TESK2: variants seen among roughly 807,000 people sequenced by gnomAD.
TESK2 encodes the protein testis associated actin remodelling kinase 2, also known as dual specificity testis-specific protein kinase 2.
In TESK2, 39 loss-of-function variants were observed where a neutral mutation model predicts 57.1. The observed-to-expected ratio is 0.68, with a 90% confidence interval of 0.53 to 0.89. TESK2 has a LOEUF of 0.89. TESK2 is among the 40% of genes least tolerant of loss of function. TESK2 has a pLI of 0.00. For missense variants in TESK2, 646 were observed against 732.1 expected, an observed-to-expected ratio of 0.88 and a Z score of 1.36; for synonymous variants, 249 against 267.9, an observed-to-expected ratio of 0.93 and a Z score of 0.69.
At chr1:45,396,811 T>G (rs1570687400) in intron 3 of TESK2, among the ~76,000 whole-genome samples, 2 of 133,696 alleles carry the variant, frequency 1.5e-5, no homozygotes, top group African/African-American at 2.9e-5. Flanking sequence ...AGTTGTTTTT[T>G]TTTTTTTTTT....
chr1:45,402,081 T>TAA lies in TESK2; in HGVS notation c.345-16123_345-16122dup, dbSNP rs1425331482. Among the ~76,000 whole-genome samples, 303 of 142,616 alleles carry TAA rather than the reference T, an allele frequency of 2.1e-3. 2 individuals carry two copies. Among genetic ancestry groups the TAA allele is most frequent in the African/African-American group, 7.4e-3 (291 of 39,152 alleles). The allele number at this position is 142,616 out of a possible 152,430, so 93.6% of individuals were successfully genotyped here. A position where few individuals can be genotyped will look rare whatever the true frequency, so the allele number is the denominator to read the frequency against. On this transcript the variant is annotated intron_variant, in intron 3 of 10. Coordinates refer to ENST00000372086, the MANE Select transcript of TESK2 (RefSeq NM_007170.3). ...ACACTGAAACCCTGCTAATAACCAT[T>TAA]AAAAAAAAAGAAAAGAAAAGAAAAG...
chr1:45,410,776 T>A (rs1650012081), intron 3 of TESK2, among the ~76,000 whole-genome samples: 1 of 151,828 alleles, frequency 6.6e-6, no homozygotes, highest in African/African-American at 2.4e-5. Context: ...TTTTTTATTT[T>A]TTTTTTAACA....
intron 2 of TESK2, among the ~76,000 whole-genome samples, chr1:45,443,247 C>G (rs1651514337): frequency 6.6e-6 from 1 of 151,924 alleles, no homozygotes; most frequent in South Asian, 2.1e-4. Flanking sequence ...TCCTAAATTC[C>G]AAAACTAAAT....
At chr1:45,390,258 T>A (rs1445677343) in intron 3 of TESK2, among the ~76,000 whole-genome samples, 2 of 152,032 alleles carry the variant, frequency 1.3e-5, no homozygotes, top group African/African-American at 4.8e-5. Context: ...CGGTGAAATA[T>A]GATCTTTACA....
At chr1:45,448,778 C>G (rs756157444) in intron 2 of TESK2, among the ~76,000 whole-genome samples, 33 of 152,114 alleles carry the variant, frequency 2.2e-4, no homozygotes, top group Non-Finnish European at 1.9e-4. Context: ...GAACAAACAT[C>G]CAAACTATAT....
intron 2 of TESK2, among the ~76,000 whole-genome samples, chr1:45,430,768 G>A (rs548222075): frequency 6.6e-6 from 1 of 152,282 alleles, no homozygotes; most frequent in South Asian, 2.1e-4. Context: ...TTCTATAAAA[G>A]TCTTGAGCCA....
At chr1:45,445,781 C>T (rs1347963749) in intron 2 of TESK2, among the ~76,000 whole-genome samples, 1 of 151,922 alleles carries the variant, frequency 6.6e-6, no homozygotes, top group Non-Finnish European at 1.5e-5. Context: ...GGTGACAGAG[C>T]AAGACCCTGT....
At chr1:45,361,918 G>A (rs1477034249) in intron 4 of TESK2, among the ~76,000 whole-genome samples, 8 of 152,108 alleles carry the variant, frequency 5.3e-5, no homozygotes, top group East Asian at 1.9e-4. Flanking sequence ...TGGGAGGATC[G>A]CTTGAGGCCA....
chr1:45,414,501 C>T (rs1299621602), intron 3 of TESK2, among the ~76,000 whole-genome samples: 1 of 152,042 alleles, frequency 6.6e-6, no homozygotes, highest in South Asian at 2.1e-4. Flanking sequence ...GAGCAAAGAA[C>T]ATTACTTTTT....
intron 4 of TESK2, among the ~76,000 whole-genome samples, chr1:45,384,377 A>ATCTG (rs1484512971): frequency 0.033 from 4,594 of 138,756 alleles, 73 homozygotes; most frequent in South Asian, 0.043. Context: ...CTATCTATCT[A>ATCTG]TCTATCTATC....
chr1:45,382,502 G>A (rs1314283436), intron 4 of TESK2, among the ~76,000 whole-genome samples: 1 of 152,208 alleles, frequency 6.6e-6, no homozygotes, highest in Non-Finnish European at 1.5e-5. Flanking sequence ...GCCTCTGGAA[G>A]TGTTGGGATT....
chr1:45,451,683 C>T (rs1161273282), intron 2 of TESK2, among the ~76,000 whole-genome samples: 1 of 152,104 alleles, frequency 6.6e-6, no homozygotes, highest in African/African-American at 2.4e-5. Flanking sequence ...ACTGGCTCGA[C>T]ATTTGTGGAG....
At chr1:45,415,379 C>A in intron 3 of TESK2, 1 of 902,986 alleles carries the variant, frequency 1.1e-6, no homozygotes, top group Non-Finnish European at 1.8e-6. Flanking sequence ...AACCACCAGA[C>A]CATTCCTTCT....
intron 3 of TESK2, among the ~76,000 whole-genome samples, chr1:45,408,410 A>G (rs1273974403): frequency 6.6e-6 from 1 of 151,968 alleles, no homozygotes; most frequent in African/African-American, 2.4e-5. Context: ...TCATAATGAT[A>G]TGCTCTGGGT....
Position 45,457,527 on chromosome 1 carries a change from A to T in TESK2, c.222+37T>A, listed in dbSNP as rs781616809. ...ATCAACCTGCAGTAAATGTGACCAC[A>T]GCAAGACAATATGAGAAAAGCTGAA... On this transcript the variant is annotated intron_variant, in intron 2 of 10. Transcript: ENST00000372086. The T allele has an allele frequency of 5.0e-6, 8 of 1,590,168 alleles. No homozygotes were observed. In the East Asian group the frequency reaches 1.3e-4, roughly 27 times the overall value.
At chr1:45,371,046 A>T (rs1648156378) in intron 4 of TESK2, among the ~76,000 whole-genome samples, 1 of 152,100 alleles carries the variant, frequency 6.6e-6, no homozygotes, top group South Asian at 2.1e-4. Context: ...CCACAATGAG[A>T]TATCACCTCA....
At chr1:45,424,064 A>C (rs1448482838) in intron 2 of TESK2, among the ~76,000 whole-genome samples, 1 of 152,220 alleles carries the variant, frequency 6.6e-6, no homozygotes, top group Non-Finnish European at 1.5e-5. Context: ...TATCTTGCAC[A>C]ACAGGGACTT....
At chr1:45,472,864 G>A (rs930395140) in intron 1 of TESK2, among the ~76,000 whole-genome samples, 2 of 151,250 alleles carry the variant, frequency 1.3e-5, no homozygotes, top group Non-Finnish European at 3.0e-5. Flanking sequence ...CATGCCGGGC[G>A]CGGTGGCTTA....
At chr1:45,464,561 TGC>T (rs2149302204) in intron 1 of TESK2, among the ~76,000 whole-genome samples, 1 of 152,364 alleles carries the variant, frequency 6.6e-6, no homozygotes, top group East Asian at 1.9e-4. Context: ...TCAGATTGTT[TGC>T]TGTTGGCACA....
Sources: allele counts gnomAD v4.1 joint callset (sites outside exome capture counted in the v4.1 genomes callset), GRCh38; gene constraint gnomAD v4.1.1; transcripts MANE v1.5; gene names NCBI Gene and HGNC (gene_info 2026-07-23, HGNC 2026-07-21).